The following SLC9C1 variants were observed in gnomAD, a reference collection of about 807,000 sequenced individuals.
The protein encoded by SLC9C1 is sodium/hydrogen exchanger 10.
A neutral mutation model predicts 140.9 loss-of-function variants in SLC9C1; 97 were observed. That is an observed-to-expected ratio of 0.69 (90% CI 0.58 to 0.82). The LOEUF (loss-of-function observed/expected upper bound fraction) is 0.82, where lower values mean the gene tolerates loss of function less well. Among genes scored for constraint, SLC9C1 ranks in the 40% least tolerant of loss-of-function variants. The pLI is 0.00. For synonymous variants in SLC9C1, 440 were observed against 442.6 expected, an observed-to-expected ratio of 0.99 and a Z score of 0.07; for missense variants, 1,340 against 1,389.3, an observed-to-expected ratio of 0.96 and a Z score of 0.56.
At position 112,250,593 on chromosome 3, in the gene SLC9C1, A is replaced by G. The variant is rs546018041; in HGVS notation, c.1198-6517T>C. On this transcript the variant is annotated intron_variant, in intron 10 of 28. Coordinates refer to ENST00000305815, the MANE Select transcript of SLC9C1 (RefSeq NM_183061.3). Reference sequence around the variant, plus strand: ...GCACCTGTTGTGTCTATGGTTTTTCACAACTCAAAAAAGAATGTAGACATA... The same window carrying G: ...GCACCTGTTGTGTCTATGGTTTTTCGCAACTCAAAAAAGAATGTAGACATA... Among the ~76,000 whole-genome samples the G allele has an allele frequency of 2.6e-5, 4 of 152,186 alleles. No homozygotes were observed. The South Asian group carries it at 8.3e-4, about 32-fold the overall frequency.
intron 26 of SLC9C1, among the ~76,000 whole-genome samples, chr3:112,161,447 A>G (rs2075296258): frequency 6.6e-6 from 1 of 152,162 alleles, no homozygotes; most frequent in South Asian, 2.1e-4. Context: ...TGATTTTTGT[A>G]TAAGGTGTAA....
At chr3:112,174,681 C>A (rs762127964) in intron 23 of SLC9C1, among the ~76,000 whole-genome samples, 1 of 152,118 alleles carries the variant, frequency 6.6e-6, no homozygotes, top group Admixed American at 6.5e-5. Flanking sequence ...GCTGGAGGTG[C>A]CAGCATAATG....
intron 16 of SLC9C1, among the ~76,000 whole-genome samples, chr3:112,205,423 A>C (rs2078020928): frequency 6.9e-6 from 1 of 144,314 alleles, no homozygotes; most frequent in Admixed American, 7.2e-5. Flanking sequence ...AAATGGAAGA[A>C]CATTCCATGC....
chr3:112,245,249 A>G (rs962989956), intron 10 of SLC9C1, among the ~76,000 whole-genome samples: 1 of 152,302 alleles, frequency 6.6e-6, no homozygotes, highest in East Asian at 1.9e-4. Context: ...TCTAACATGC[A>G]TATTAGTACA....
intron 20 of SLC9C1, among the ~76,000 whole-genome samples, chr3:112,191,399 G>T (rs1404089709): frequency 6.6e-6 from 1 of 152,072 alleles, no homozygotes. Flanking sequence ...TTTTTATTAT[G>T]AGAGGGTGCT....
intron 16 of SLC9C1, among the ~76,000 whole-genome samples, chr3:112,206,917 C>G (rs1433688814): frequency 1.3e-5 from 2 of 152,020 alleles, no homozygotes; most frequent in African/African-American, 4.8e-5. Context: ...ATGGGTGCAG[C>G]AAACCAACAT....
Position 112,240,074 on chromosome 3 carries a change from A to T in SLC9C1, c.1280-68T>A, listed in dbSNP as rs566812933. The T allele has an allele frequency of 2.8e-6, 4 of 1,424,982 alleles. No homozygotes were observed. The East Asian group carries it at 7.1e-5, about 25-fold the overall frequency. 88.3% of individuals were successfully genotyped at this position (1,424,982 alleles called of 1,614,324 possible). On this transcript the variant is annotated intron_variant, in intron 11 of 28. Transcript: ENST00000305815. ...AATTTTGATATGGGTTAGAAAGCTT[A>T]CTTTTGTTTTTAACTTATTGTCACT... is the stretch of plus-strand genomic sequence containing the variant.
At chr3:112,218,443 A>G (rs915859550) in intron 14 of SLC9C1, among the ~76,000 whole-genome samples, 1 of 4,274 alleles carries the variant, frequency 2.3e-4, no homozygotes, top group Non-Finnish European at 0.013. Context: ...ACTTGTATAT[A>G]TATTTTTTTT....
chr3:112,236,290 G>T (rs141052403), intron 12 of SLC9C1, among the ~76,000 whole-genome samples: 89,922 of 152,008 alleles, frequency 0.59, 27,111 homozygotes, highest in East Asian at 0.79. Flanking sequence ...ATGGTAGTTT[G>T]TATTTCTGTG....
At chr3:112,234,421 G>A (rs188449293) in intron 12 of SLC9C1, among the ~76,000 whole-genome samples, 3,370 of 151,820 alleles carry the variant, frequency 0.022, 129 homozygotes, top group African/African-American at 0.077. Context: ...CTCCTATTCT[G>A]TAGGCTGCCT....
chr3:112,213,588 C>T (rs907162881), intron 15 of SLC9C1, among the ~76,000 whole-genome samples: 5 of 151,948 alleles, frequency 3.3e-5, no homozygotes, highest in Admixed American at 3.3e-4. Flanking sequence ...TTTAAACCAA[C>T]GAAGATCAAA....
chr3:112,280,889 A>ACTGGTTTTCT, intron 2 of SLC9C1, 106 bp from the exon 3 acceptor site: 1 of 955,342 alleles, frequency 1.0e-6, no homozygotes. Flanking sequence ...CAGTTTCACT[A>ACTGGTTTTCT]CTTTTCATGA....
At chr3:112,270,907 A>G (rs548509359) in intron 6 of SLC9C1, among the ~76,000 whole-genome samples, 2 of 152,342 alleles carry the variant, frequency 1.3e-5, no homozygotes, top group East Asian at 3.9e-4. Flanking sequence ...TTTATGTCCA[A>G]TATATGGAGT....
intron 1 of SLC9C1, among the ~76,000 whole-genome samples, chr3:112,290,364 A>G (rs2108376009): frequency 7.4e-6 from 1 of 134,694 alleles, no homozygotes. Context: ...TACACATTCA[A>G]TTATAATAAA....
chr3:112,169,186 G>T lies in SLC9C1; in HGVS notation c.3051+11C>A. 1 of 1,605,894 alleles carries T rather than the reference G, an allele frequency of 6.2e-7. No individual in the cohort carries two copies. Among genetic ancestry groups the T allele is most frequent in the South Asian group, 1.1e-5 (1 of 89,408 alleles). ...AAGAAAGAAAGACAAGTTTATACAA[G>T]CACTTCCTACCTCATAAGATAAGTG... On this transcript the variant is annotated intron_variant, in intron 24 of 28. Transcript: ENST00000305815.
At chr3:112,161,169 A>G (rs1052116574) in intron 26 of SLC9C1, among the ~76,000 whole-genome samples, 1 of 152,174 alleles carries the variant, frequency 6.6e-6, no homozygotes, top group Non-Finnish European at 1.5e-5. Flanking sequence ...TCTGGATATT[A>G]GCCCTTTGTC....
chr3:112,151,384 A>G (rs1282983223), intron 28 of SLC9C1: 1 of 518,850 alleles, frequency 1.9e-6, no homozygotes, highest in Non-Finnish European at 3.8e-6. Flanking sequence ...GCTCATTCTC[A>G]CAGCCAGCCA....
At chr3:112,291,604 A>T (rs1243735378) in intron 1 of SLC9C1, among the ~76,000 whole-genome samples, 1 of 152,210 alleles carries the variant, frequency 6.6e-6, no homozygotes, top group Non-Finnish European at 1.5e-5. Flanking sequence ...TCCTATTAAA[A>T]AGTCAAAAAA....
chr3:112,268,617 A>C (rs1434480615), intron 7 of SLC9C1, among the ~76,000 whole-genome samples: 15 of 152,364 alleles, frequency 9.8e-5, no homozygotes, highest in Non-Finnish European at 2.1e-4. Context: ...TCAAGCCATT[A>C]AAGGGTCTTG....
Sources: allele counts gnomAD v4.1 joint callset (sites outside exome capture counted in the v4.1 genomes callset), GRCh38; gene constraint gnomAD v4.1.1; transcripts MANE v1.5; gene names NCBI Gene and HGNC (gene_info 2026-07-23, HGNC 2026-07-21).